The following LDLRAD4 variants were observed in gnomAD, a reference collection of about 807,000 sequenced individuals.
The protein encoded by LDLRAD4 is low-density lipoprotein receptor class A domain-containing protein 4.
LDLRAD4 carries 5 observed loss-of-function variants against 17.0 expected under a neutral mutation model. The ratio of observed to expected loss-of-function variants is 0.29; its 90% confidence interval spans 0.15 to 0.62. LDLRAD4 has a LOEUF of 0.62. LDLRAD4 is among the 20% of genes least tolerant of loss of function. The pLI is 0.84. For missense variants in LDLRAD4, 340 were observed against 424.7 expected (o/e 0.80, Z 1.75); for synonymous variants, 168 against 171.8 (o/e 0.98, Z 0.17).
At chr18:13,277,510 G>C (rs2044958825), upstream of LDLRAD4, among the ~76,000 whole-genome samples, 1 of 152,222 alleles carries the variant, frequency 6.6e-6, no homozygotes, top group African/African-American at 2.4e-5. Context: ...AGCACCAGCT[G>C]GGAGGACACT....
At chr18:13,604,305 A>G (rs2095197796) in intron 3 of LDLRAD4, among the ~76,000 whole-genome samples, 1 of 152,224 alleles carries the variant, frequency 6.6e-6, no homozygotes, top group African/African-American at 2.4e-5. Flanking sequence ...AGATGACAGT[A>G]TGTGCCGCTT....
At chr18:13,431,976 C>T (rs183721604) in intron 2 of LDLRAD4, among the ~76,000 whole-genome samples, 9 of 152,330 alleles carry the variant, frequency 5.9e-5, no homozygotes, top group African/African-American at 2.2e-4. Context: ...GGTGCCTTTA[C>T]GCCGAGGTTG....
At chr18:13,366,239 C>T (rs886488860) in intron 1 of LDLRAD4, 2 of 152,154 alleles carry the variant, frequency 1.3e-5, no homozygotes, top group African/African-American at 4.8e-5. Context: ...ACACCTTGTC[C>T]GATTATTTGA....
intron 3 of LDLRAD4, among the ~76,000 whole-genome samples, chr18:13,602,101 T>TA (rs1398131218): frequency 2.0e-5 from 3 of 152,132 alleles, no homozygotes; most frequent in African/African-American, 7.2e-5. Flanking sequence ...ACATGGAAGC[T>TA]AAGCACTGGA....
intron 1 of LDLRAD4, among the ~76,000 whole-genome samples, chr18:13,385,057 C>G (rs1002870882): frequency 1.3e-5 from 2 of 152,198 alleles, no homozygotes; most frequent in East Asian, 1.9e-4. Context: ...TGAGGAACCT[C>G]CATACTGTTT....
At position 13,481,384 on chromosome 18, in the gene LDLRAD4, T is replaced by A. The variant is rs1311057431; in HGVS notation, c.181+43000T>A. ...GCTTCCTCTGGACAGAAGGGGTGATTCAGGTTCAAAGCCTGAGAAGCGGGG... is the reference window on the plus strand; with the variant it reads ...GCTTCCTCTGGACAGAAGGGGTGATACAGGTTCAAAGCCTGAGAAGCGGGG... On this transcript the variant is annotated intron_variant, in intron 3 of 5. Transcript: ENST00000359446. Among the ~76,000 whole-genome samples the A allele has an allele frequency of 2.6e-5, 4 of 152,164 alleles. No homozygotes were observed. The East Asian group carries it at 7.7e-4, about 29-fold the overall frequency.
intron 1 of LDLRAD4, among the ~76,000 whole-genome samples, chr18:13,222,826 G>A (rs1260862519): frequency 6.6e-6 from 1 of 152,196 alleles, no homozygotes; most frequent in African/African-American, 2.4e-5. Flanking sequence ...AGGGAAATCA[G>A]GCACCTAGCT....
chr18:13,281,744 C>A (rs550243954), intron 1 of LDLRAD4, among the ~76,000 whole-genome samples: 2 of 152,120 alleles, frequency 1.3e-5, no homozygotes, highest in Non-Finnish European at 2.9e-5. Context: ...TTATTTGGGA[C>A]CCCTCTCTGT....
At chr18:13,412,551 G>A (rs1445026976) in intron 2 of LDLRAD4, among the ~76,000 whole-genome samples, 1 of 152,104 alleles carries the variant, frequency 6.6e-6, no homozygotes, top group Non-Finnish European at 1.5e-5. Flanking sequence ...TGCCTATTAT[G>A]GACTAGGTAC....
intron 1 of LDLRAD4, among the ~76,000 whole-genome samples, chr18:13,358,622 G>T (rs951904865): frequency 1.3e-5 from 2 of 151,876 alleles, no homozygotes; most frequent in Non-Finnish European, 2.9e-5. Context: ...CCCTCAAATG[G>T]GATAAATCAA....
At chr18:13,347,908 G>T (rs1341829294) in intron 1 of LDLRAD4, among the ~76,000 whole-genome samples, 1 of 152,178 alleles carries the variant, frequency 6.6e-6, no homozygotes, top group African/African-American at 2.4e-5. Context: ...CTCGTGCCAT[G>T]GTTTTCAGCT....
chr18:13,494,609 A>G (rs916124048), intron 3 of LDLRAD4, among the ~76,000 whole-genome samples: 2 of 90,032 alleles, frequency 2.2e-5, no homozygotes, highest in Non-Finnish European at 5.5e-5. Context: ...GCCCCAGGAG[A>G]CTAAGGCTGC....
chr18:13,254,110 G>A (rs972362319), intron 1 of LDLRAD4, among the ~76,000 whole-genome samples: 33 of 152,374 alleles, frequency 2.2e-4, no homozygotes, highest in African/African-American at 7.9e-4. Flanking sequence ...ATTCCACTGA[G>A]GGGAAGCCCA....
chr18:13,227,673 A>G (rs540236686), intron 1 of LDLRAD4, among the ~76,000 whole-genome samples: 48 of 152,234 alleles, frequency 3.2e-4, no homozygotes, highest in Non-Finnish European at 6.3e-4. Flanking sequence ...GGACACTTAC[A>G]GTCATGGCGG....
chr18:13,353,089 A>G (rs976782801), intron 1 of LDLRAD4, among the ~76,000 whole-genome samples: 5 of 152,152 alleles, frequency 3.3e-5, no homozygotes, highest in African/African-American at 1.2e-4. Flanking sequence ...TTTGTCTAGT[A>G]TATCCAGTGC....
At chr18:13,544,055 C>T (rs1164155569) in intron 3 of LDLRAD4, among the ~76,000 whole-genome samples, 2 of 152,248 alleles carry the variant, frequency 1.3e-5, no homozygotes, top group Non-Finnish European at 2.9e-5. Flanking sequence ...GGTGAGGCAC[C>T]GTGAAGCTGA....
At chr18:13,496,728 G>T (rs12954729) in intron 3 of LDLRAD4, among the ~76,000 whole-genome samples, 12 of 148,042 alleles carry the variant, frequency 8.1e-5, no homozygotes, top group Admixed American at 6.8e-4. Context: ...GGGATTGGGA[G>T]GTGGGAGGGA....
intron 3 of LDLRAD4, among the ~76,000 whole-genome samples, chr18:13,539,099 A>C (rs2094239444): frequency 6.6e-6 from 1 of 152,006 alleles, no homozygotes; most frequent in Admixed American, 6.6e-5. Context: ...TCTGCCAAGT[A>C]CTCTTTTTCT....
rs1600757133 is a variant in LDLRAD4 at position 13,488,691 on chromosome 18, A to T, written c.181+50307A>T. On this transcript the variant is annotated intron_variant, in intron 3 of 5. Transcript: ENST00000359446. ...TTAGTTCCTGAGCCTCCTGCTCTGCAAGACGCACCCTGCACATGCACGCTC... is the reference window on the plus strand; with the variant it reads ...TTAGTTCCTGAGCCTCCTGCTCTGCTAGACGCACCCTGCACATGCACGCTC... The T allele has an allele frequency of 5.0e-5, 5 of 99,348 alleles. No individual in the cohort carries two copies. In the South Asian group the frequency reaches 1.5e-3, roughly 29 times the overall value. The allele number at this position is 99,348 out of a possible 1,614,324, so 6.2% of individuals were successfully genotyped here.
Sources: allele counts gnomAD v4.1 joint callset (sites outside exome capture counted in the v4.1 genomes callset), GRCh38; gene constraint gnomAD v4.1.1; transcripts MANE v1.5; gene names NCBI Gene and HGNC (gene_info 2026-07-23, HGNC 2026-07-21).